KLF1: variants seen among roughly 807,000 people sequenced by gnomAD.
The protein encoded by KLF1 is Krueppel-like factor 1.
KLF1 carries 29 observed loss-of-function variants against 28.0 expected under a neutral mutation model. The observed-to-expected ratio is 1.04, with a 90% confidence interval of 0.77 to 1.41. The LOEUF (loss-of-function observed/expected upper bound fraction) is 1.41. Among genes scored for constraint, KLF1 ranks in the 40% most tolerant of loss-of-function variants. The pLI is 0.00. For missense variants in KLF1, 508 were observed against 515.1 expected, an observed-to-expected ratio of 0.99 and a Z score of 0.13; for synonymous variants, 262 against 242.6, an observed-to-expected ratio of 1.08 and a Z score of -0.74.
In KLF1 at chr19:12,887,183, C is replaced by T. The variant is rs372359976; in HGVS notation, c.-43G>A. Reference sequence around the variant, plus strand: ...CCTGGGCCTCAAGCCTCCTCTTCCTCGGCTGCCTCGTGAACTCTGAGGCTG... The same window carrying T: ...CCTGGGCCTCAAGCCTCCTCTTCCTTGGCTGCCTCGTGAACTCTGAGGCTG... On this transcript the variant is annotated 5_prime_UTR_variant, in exon 1 of 3. Transcript: ENST00000264834. This position sits in a 1 kb window ranked among gnomAD's most constrained non-coding sequence, Gnocchi z 4.7. The T allele has an allele frequency of 2.9e-4, 457 of 1,602,542 alleles. 1 individual carries two copies. Among genetic ancestry groups the T allele is most frequent in the Middle Eastern group, 5.2e-4 (3 of 5,824 alleles).
chr19:12,885,178 C>A lies in KLF1; in HGVS notation c.914-118G>T, dbSNP rs1426183681. ...TGGGACTAGGATGAACAAAGTGAGG[C>A]CCCTAGGGCACAAAATTTAAGGAGG... On this transcript the variant is annotated intron_variant, in intron 2 of 2. Coordinates refer to ENST00000264834, the MANE Select transcript of KLF1 (RefSeq NM_006563.5). The surrounding 1 kb of genome is among the most constrained non-coding windows in gnomAD (Gnocchi z 5.6). 2.2e-6 allele frequency: 3 copies of A among 1,392,160 alleles called. No homozygotes were observed. The highest frequency in any genetic ancestry group is 9.8e-7 in the Non-Finnish European group (1 of 1,018,020). The allele number at this position is 1,392,160 out of a possible 1,614,324, so 86.2% of individuals were successfully genotyped here.
In KLF1 at chr19:12,885,497, C is replaced by T. The variant is rs1444418522; in HGVS notation, c.733G>A (p.Gly245Ser). The change falls in exon 2 of 3, where the codon GGC (glycine) becomes AGC (serine). Residue 245 changes from glycine to serine, a missense_variant. By Grantham distance (56) the Gly-to-Ser change is moderately conservative (BLOSUM62 0). Transcript: ENST00000264834. The surrounding 1 kb of genome is among the most constrained non-coding windows in gnomAD (Gnocchi z 5.6). ...FLSCLGPGTV[G>S]TGLGGTAEDP... ...TCTGCAGTCCCCCCGAGTCCAGTGCCCACCGTCCCGGGTCCCAAACAACTC... is the reference window on the plus strand; with the variant it reads ...TCTGCAGTCCCCCCGAGTCCAGTGCTCACCGTCCCGGGTCCCAAACAACTC... 2 of 1,599,130 alleles carry T rather than the reference C, an allele frequency of 1.3e-6. No individual in the cohort carries two copies. The highest frequency in any genetic ancestry group is 1.3e-5 in the African/African-American group (1 of 74,620).
Position 12,885,615 on chromosome 19 carries a change from C to T in KLF1, c.615G>A (p.Ala205=), listed in dbSNP as rs1374255996. Reference sequence around the variant, plus strand: ...CTTGGTACTGAGGCGCCGGGTACATCGCGGGGTACCCGGACAGTAGCCCGT... The same window carrying T: ...CTTGGTACTGAGGCGCCGGGTACATTGCGGGGTACCCGGACAGTAGCCCGT... ...APYGLLSGYP[A]MYPAPQYQGH... The change falls in exon 2 of 3, where the codon GCG becomes GCA. Residue 205 remains alanine (A), a synonymous_variant. Coordinates refer to ENST00000264834, the MANE Select transcript of KLF1 (RefSeq NM_006563.5). This position sits in a 1 kb window ranked among gnomAD's most constrained non-coding sequence, Gnocchi z 5.6. The T allele has an allele frequency of 5.2e-6, 8 of 1,552,142 alleles. No individual in the cohort carries two copies. Among genetic ancestry groups the T allele is most frequent in the Admixed American group, 2.0e-5 (1 of 51,070 alleles).
Position 12,885,590 on chromosome 19 carries a change from C to T in KLF1, c.640G>A (p.Gly214Arg), listed in dbSNP as rs1344960127. 6.4e-7 allele frequency: 1 copy of T among 1,558,120 alleles called. No homozygotes were observed. The highest frequency in any genetic ancestry group is 8.7e-7 in the Non-Finnish European group (1 of 1,151,578). Reference sequence around the variant, plus strand: ...AGCCCGCGGAAGAGCTGGAAGTGCCCTTGGTACTGAGGCGCCGGGTACATC... The same window carrying T: ...AGCCCGCGGAAGAGCTGGAAGTGCCTTTGGTACTGAGGCGCCGGGTACATC... ...PAMYPAPQYQGHFQLFRGLQG... is the reference protein window; with the variant it reads ...PAMYPAPQYQRHFQLFRGLQG... Residue 214 changes from glycine to arginine, a missense_variant, in exon 2 of 3, where the codon GGG becomes AGG. By Grantham distance (125) the Gly-to-Arg change is moderately radical (BLOSUM62 -2). Coordinates refer to ENST00000264834, the MANE Select transcript of KLF1 (RefSeq NM_006563.5). This position sits in a 1 kb window ranked among gnomAD's most constrained non-coding sequence, Gnocchi z 5.6.
chr19:12,887,087 G>C lies in KLF1; in HGVS notation c.54C>G (p.Gly18=). ...LPSISTLTAL[G]PFPDTQDDFL... ...AGTCATCCTGTGTGTCCGGGAAGGG[G>C]CCCAGGGCGGTCAGTGTGCTGATGG... The change falls in exon 1 of 3, where the codon GGC becomes GGG. Residue 18 remains glycine (G), a synonymous_variant. Coordinates refer to ENST00000264834, the MANE Select transcript of KLF1 (RefSeq NM_006563.5). The surrounding 1 kb of genome is among the most constrained non-coding windows in gnomAD (Gnocchi z 4.7). 6.2e-7 allele frequency: 1 copy of C among 1,614,184 alleles called. No individual in the cohort carries two copies. Among genetic ancestry groups the C allele is most frequent in the Non-Finnish European group, 8.5e-7 (1 of 1,180,026 alleles).
At position 12,886,073 on chromosome 19, in the gene KLF1, C is replaced by G. The variant is rs143927401; in HGVS notation, c.157G>C (p.Val53Leu). ...PPDPTEPPLH[V>L]KSEDQPGEEE... ...TCCCCGGGCTGGTCCTCAGACTTCA[C>G]GTGGAGGGGCGGCTCCGTGGGGTCA... The change falls in exon 2 of 3, where the codon GTG (valine) becomes CTG (leucine). Residue 53 changes from valine to leucine, a missense_variant. Transcript: ENST00000264834. The G allele has an allele frequency of 2.3e-5, 37 of 1,609,802 alleles. No individual in the cohort carries two copies. The African/African-American group carries it at 4.4e-4, about 19-fold the overall frequency.
In KLF1 at chr19:12,886,110, G is replaced by T; in HGVS notation, c.120C>A (p.Gly40=). The T allele has an allele frequency of 3.1e-6, 5 of 1,605,348 alleles. No individual in the cohort carries two copies. Among genetic ancestry groups the T allele is most frequent in the Non-Finnish European group, 4.2e-6 (5 of 1,178,360 alleles). The change falls in exon 2 of 3, where the codon GGC becomes GGA. Residue 40 remains glycine (G), a synonymous_variant. Transcript: ENST00000264834. ...WWRSEEAQDM[G]PGPPDPTEPP... ...GCTCCGTGGGGTCAGGAGGACCCGG[G>T]CCCATGTCCTGCGCCTCTTCGGAGC...
chr19:12,886,999 G>T, intron 1 of KLF1, 55 bp downstream of exon 1: 1 of 1,556,508 alleles, frequency 6.4e-7, no homozygotes, highest in Non-Finnish European at 8.9e-7. Flanking sequence ...CAAGATCTGT[G>T]ACTGTGGCCC....
At position 12,885,251 on chromosome 19, in the gene KLF1, C is replaced by A. The variant is rs758277535; in HGVS notation, c.913+66G>T. On this transcript the variant is annotated intron_variant, in intron 2 of 2. Transcript: ENST00000264834. The surrounding 1 kb of genome is among the most constrained non-coding windows in gnomAD (Gnocchi z 5.6). ...AAGTCCAAGTCCCGCCCTCTGCAAC[C>A]CTTCTTCCCCTGTAACTACAGCGGG... is the stretch of plus-strand genomic sequence containing the variant. 236 of 1,452,498 alleles carry A rather than the reference C, an allele frequency of 1.6e-4. No homozygotes were observed. Among genetic ancestry groups the A allele is most frequent in the Non-Finnish European group, 2.1e-4 (220 of 1,066,372 alleles). The allele number at this position is 1,452,498 out of a possible 1,614,324, so 90.0% of individuals were successfully genotyped here. A position where few individuals can be genotyped will look rare whatever the true frequency, so the allele number is the denominator to read the frequency against.
Position 12,887,067 on chromosome 19 carries a change from T to C in KLF1, c.74A>G (p.Asp25Gly), listed in dbSNP as rs757228288. 1.2e-6 allele frequency: 2 copies of C among 1,613,904 alleles called. No homozygotes were observed. Among genetic ancestry groups the C allele is most frequent in the Non-Finnish European group, 1.7e-6 (2 of 1,179,998 alleles). The stretch of plus-strand genomic sequence containing the variant: ...TCTAGGCCCCACCTTGAGGAAGTCA[T>C]CCTGTGTGTCCGGGAAGGGGCCCAG... ...TALGPFPDTQDDFLKWWRSEE... is the reference protein window; with the variant it reads ...TALGPFPDTQGDFLKWWRSEE... Residue 25 changes from aspartate (D) to glycine (G), a missense_variant, in exon 1 of 3, where the codon GAT becomes GGT. Physicochemically the swap from Asp to Gly is moderately conservative, Grantham distance 94. Transcript: ENST00000264834. This position sits in a 1 kb window ranked among gnomAD's most constrained non-coding sequence, Gnocchi z 4.7.
At position 12,886,085 on chromosome 19, in the gene KLF1, G is replaced by A. The variant is rs765722329; in HGVS notation, c.145C>T (p.Pro49Ser). The A allele has an allele frequency of 6.2e-7, 1 of 1,608,250 alleles. No homozygotes were observed. The highest frequency in any genetic ancestry group is 1.1e-5 in the South Asian group (1 of 90,796). Residue 49 changes from proline (P) to serine (S), a missense_variant, in exon 2 of 3, where the codon CCG (proline) becomes TCG (serine). By Grantham distance (74) the Pro-to-Ser change is moderately conservative. Coordinates refer to ENST00000264834, the MANE Select transcript of KLF1 (RefSeq NM_006563.5). Reference protein sequence around the residue: ...MGPGPPDPTEPPLHVKSEDQP... With the variant: ...MGPGPPDPTESPLHVKSEDQP... ...TCCTCAGACTTCACGTGGAGGGGCG[G>A]CTCCGTGGGGTCAGGAGGACCCGGG...
chr19:12,885,403 T>C lies in KLF1; in HGVS notation c.827A>G (p.Gln276Arg). The C allele has an allele frequency of 6.2e-7, 1 of 1,606,594 alleles. No individual in the cohort carries two copies. Among genetic ancestry groups the C allele is most frequent in the African/African-American group, 1.3e-5 (1 of 74,950 alleles). Reference protein sequence around the residue: ...RGRRSWARKRQAAHTCAHPGC... With the variant: ...RGRRSWARKRRAAHTCAHPGC... The stretch of plus-strand genomic sequence containing the variant: ...CGGGTGCGCGCACGTGTGCGCTGCC[T>C]GCCTCTTGCGCGCCCACGAACGTCG... Residue 276 changes from glutamine (Q) to arginine (R), a missense_variant, in exon 2 of 3, where the codon CAG (glutamine) becomes CGG (arginine). Physicochemically the swap from Gln to Arg is conservative, Grantham distance 43 (BLOSUM62 1). Coordinates refer to ENST00000264834, the MANE Select transcript of KLF1 (RefSeq NM_006563.5). This position sits in a 1 kb window ranked among gnomAD's most constrained non-coding sequence, Gnocchi z 5.6.
rs892121558 is a variant in KLF1 at position 12,885,726 on chromosome 19, C to A, written c.504G>T (p.Pro168=). 6.6e-7 allele frequency: 1 copy of A among 1,511,684 alleles called. No individual in the cohort carries two copies. The allele number at this position is 1,511,684 out of a possible 1,614,324, so 93.6% of individuals were successfully genotyped here. ...APEPKALALQ[P]VYPGPGAGSS... is the part of the protein sequence containing the mutation. ...AGCCGGCGCCGGGCCCCGGGTACAC[C>A]GGTTGCAGCGCCAGCGCCTTGGGCT... Residue 168 remains proline (P), a synonymous_variant, in exon 2 of 3, where the codon CCG becomes CCT. Transcript: ENST00000264834. The surrounding 1 kb of genome is among the most constrained non-coding windows in gnomAD (Gnocchi z 5.6).
Position 12,885,489 on chromosome 19 carries a change from T to G in KLF1, c.741A>C (p.Gly247=). The G allele has an allele frequency of 6.2e-7, 1 of 1,601,138 alleles. No individual in the cohort carries two copies. Among genetic ancestry groups the G allele is most frequent in the Non-Finnish European group, 8.5e-7 (1 of 1,174,744 alleles). ...SCLGPGTVGT[G]LGGTAEDPGV... is the part of the protein sequence containing the mutation. ...CTGGATCCTCTGCAGTCCCCCCGAG[T>G]CCAGTGCCCACCGTCCCGGGTCCCA... Residue 247 remains glycine (G), a synonymous_variant, in exon 2 of 3, where the codon GGA becomes GGC. Coordinates refer to ENST00000264834, the MANE Select transcript of KLF1 (RefSeq NM_006563.5). This position sits in a 1 kb window ranked among gnomAD's most constrained non-coding sequence, Gnocchi z 5.6.
intron 1 of KLF1, among the ~76,000 whole-genome samples, 175 bp from the exon 2 acceptor site, chr19:12,886,317 C>A (rs1032613310): frequency 2.0e-5 from 3 of 152,190 alleles, no homozygotes; most frequent in Non-Finnish European, 4.4e-5. Context: ...CGCTCCCCCC[C>A]CAGCTCCAGG....
Position 12,885,647 on chromosome 19 carries a change from C to A in KLF1, c.583G>T (p.Ala195Ser). The A allele has an allele frequency of 1.9e-6, 3 of 1,543,178 alleles. No individual in the cohort carries two copies. Among genetic ancestry groups the A allele is most frequent in the Non-Finnish European group, 2.6e-6 (3 of 1,143,250 alleles). The change falls in exon 2 of 3, where the codon GCC (alanine) becomes TCC (serine). Residue 195 changes from alanine (A) to serine (S), a missense_variant. Ala to Ser is a moderately conservative substitution (Grantham distance 99). Transcript: ENST00000264834. The surrounding 1 kb of genome is among the most constrained non-coding windows in gnomAD (Gnocchi z 5.6). Reference sequence around the variant, plus strand: ...TACCCGGACAGTAGCCCGTAGGGGGCGCCCGACGCCGCAGGCACTGAAAGC... The same window carrying A: ...TACCCGGACAGTAGCCCGTAGGGGGAGCCCGACGCCGCAGGCACTGAAAGC... ...TGLSVPAASG[A>S]PYGLLSGYPA...
Position 12,887,171 on chromosome 19 carries a change from C to T in KLF1, c.-31G>A, listed in dbSNP as rs1301461655. 1 of 1,610,686 alleles carries T rather than the reference C, an allele frequency of 6.2e-7. No individual in the cohort carries two copies. The highest frequency in any genetic ancestry group is 1.7e-5 in the Admixed American group (1 of 59,990). On this transcript the variant is annotated 5_prime_UTR_variant, in exon 1 of 3. Transcript: ENST00000264834. This position sits in a 1 kb window ranked among gnomAD's most constrained non-coding sequence, Gnocchi z 4.7. ...GCTGGTGCCCACCCTGGGCCTCAAG[C>T]CTCCTCTTCCTCGGCTGCCTCGTGA...
In KLF1 at chr19:12,885,445, G is replaced by C. The variant is rs756981857; in HGVS notation, c.785C>G (p.Ala262Gly). The C allele has an allele frequency of 1.9e-6, 3 of 1,604,672 alleles. No individual in the cohort carries two copies. Among genetic ancestry groups the C allele is most frequent in the Non-Finnish European group, 2.6e-6 (3 of 1,176,334 alleles). The change falls in exon 2 of 3, where the codon GCG (alanine) becomes GGG (glycine). Residue 262 changes from alanine to glycine, a missense_variant. Coordinates refer to ENST00000264834, the MANE Select transcript of KLF1 (RefSeq NM_006563.5). The surrounding 1 kb of genome is among the most constrained non-coding windows in gnomAD (Gnocchi z 5.6). Reference protein sequence around the residue: ...AEDPGVIAETAPSKRGRRSWA... With the variant: ...AEDPGVIAETGPSKRGRRSWA... ...CGAACGTCGGCCTCGCTTGGATGGC[G>C]CGGTCTCGGCTATCACACCTGGATC... is the stretch of plus-strand genomic sequence containing the variant.
rs775669419 is a variant in KLF1, at chr19:12,885,540, G to A, written c.690C>T (p.Ala230=). 4.0e-5 allele frequency: 63 copies of A among 1,574,060 alleles called. No homozygotes were observed. Among genetic ancestry groups the A allele is most frequent in the Non-Finnish European group, 5.3e-5 (62 of 1,160,658 alleles). ...RGLQGPAPGP[A]TSPSFLSCLG... ...AACAACTCAGGAAGGAGGGGGACGT[G>A]GCGGGACCGGGCGCGGGTCCCTGGA... Residue 230 remains alanine, a synonymous_variant, in exon 2 of 3, where the codon GCC becomes GCT. Transcript: ENST00000264834. The surrounding 1 kb of genome is among the most constrained non-coding windows in gnomAD (Gnocchi z 5.6).
Sources: allele counts gnomAD v4.1 joint callset (sites outside exome capture counted in the v4.1 genomes callset), GRCh38; gene constraint gnomAD v4.1.1; non-coding constraint Gnocchi (gnomAD v3.1); transcripts MANE v1.5; gene names NCBI Gene and HGNC (gene_info 2026-07-23, HGNC 2026-07-21).